The following RPS6KC1 variants were observed in gnomAD, a reference collection of about 807,000 sequenced individuals.
RPS6KC1 encodes the protein ribosomal protein S6 kinase C1, also known as inactive ribosomal protein S6 kinase delta-1.
RPS6KC1 carries 54 observed loss-of-function variants against 103.8 expected under a neutral mutation model. The ratio of observed to expected loss-of-function variants is 0.52; its 90% CI spans 0.42 to 0.65. The LOEUF is 0.65. RPS6KC1 is among the 30% of genes least tolerant of loss of function. The pLI is 0.00. For missense variants in RPS6KC1, 1,151 were observed against 1,253.8 expected, an observed-to-expected ratio of 0.92 and a Z score of 1.24; for synonymous variants, 439 against 438.7, an observed-to-expected ratio of 1.00 and a Z score of -0.01.
At chr1:213,532,526 G>T in the RPS6KC1 span, among the ~76,000 whole-genome samples, 1 of 152,166 alleles carries the variant, frequency 6.6e-6, no homozygotes, top group Non-Finnish European at 1.5e-5. Context: ...GACAAGAAAG[G>T]ATCCTAAAGA....
chr1:213,501,911 G>A, the RPS6KC1 span, among the ~76,000 whole-genome samples: 1 of 152,174 alleles, frequency 6.6e-6, no homozygotes. Context: ...CAAGTTTGTA[G>A]TCAAGCTTGT....
intron 7 of RPS6KC1, among the ~76,000 whole-genome samples, chr1:213,175,858 G>C (rs1456171862): frequency 6.6e-6 from 1 of 152,068 alleles, no homozygotes; most frequent in African/African-American, 2.4e-5. Flanking sequence ...AATTTTTCTG[G>C]TTGAATTTGA....
At chr1:213,512,543 G>A in the RPS6KC1 span, among the ~76,000 whole-genome samples, 1 of 152,166 alleles carries the variant, frequency 6.6e-6, no homozygotes, top group South Asian at 2.1e-4. Flanking sequence ...CCCATTAGTC[G>A]ACAGTTAAGT....
chr1:213,718,186 C>T, the RPS6KC1 span, among the ~76,000 whole-genome samples: 1 of 152,188 alleles, frequency 6.6e-6, no homozygotes, highest in African/African-American at 2.4e-5. Flanking sequence ...ACACTTTAGA[C>T]TTTTGTAAAG....
At chr1:213,298,623 C>G in the RPS6KC1 span, among the ~76,000 whole-genome samples, 1 of 151,830 alleles carries the variant, frequency 6.6e-6, no homozygotes, top group Non-Finnish European at 1.5e-5. Flanking sequence ...TATCTCTGCT[C>G]TTTTTATTAT....
the RPS6KC1 span, among the ~76,000 whole-genome samples, chr1:213,402,675 G>A: frequency 2.0e-5 from 3 of 152,194 alleles, no homozygotes; most frequent in Middle Eastern, 3.4e-3. Flanking sequence ...TGGCAAATAC[G>A]TATGATGTTG....
intron 10 of RPS6KC1, among the ~76,000 whole-genome samples, chr1:213,236,272 T>C (rs2094218867): frequency 6.6e-6 from 1 of 152,104 alleles, no homozygotes; most frequent in South Asian, 2.1e-4. Context: ...ACTGCTGGCG[T>C]AGGTCGTAAA....
intron 7 of RPS6KC1, 71 bp downstream of exon 7, chr1:213,168,044 A>T (rs1292265098): frequency 2.2e-6 from 2 of 893,764 alleles, no homozygotes; most frequent in African/African-American, 3.4e-5. Context: ...CTTTATTTCT[A>T]ATTAGAATGT....
chr1:213,590,883 G>T, the RPS6KC1 span, among the ~76,000 whole-genome samples: 2 of 152,094 alleles, frequency 1.3e-5, no homozygotes, highest in African/African-American at 4.8e-5. Flanking sequence ...ATATCTCCTG[G>T]CAGTATCCTT....
intron 8 of RPS6KC1, among the ~76,000 whole-genome samples, chr1:213,222,908 T>TTAAAAATTCAGATC (rs1382199066): frequency 1.3e-5 from 2 of 152,336 alleles, no homozygotes; most frequent in East Asian, 3.9e-4. Flanking sequence ...GCCCATCTGG[T>TTAAAAATTCAGATC]TAAAAATTCA....
chr1:213,413,280 A>G, the RPS6KC1 span, among the ~76,000 whole-genome samples: 1 of 152,188 alleles, frequency 6.6e-6, no homozygotes, highest in African/African-American at 2.4e-5. Flanking sequence ...TTCCAATTCC[A>G]CTTTTTGAGT....
intron 8 of RPS6KC1, among the ~76,000 whole-genome samples, chr1:213,222,667 G>A (rs2093865094): frequency 6.6e-6 from 1 of 152,142 alleles, no homozygotes. Context: ...TTGTTTTCTA[G>A]TAGTTGAATT....
chr1:213,844,713 CA>C, the RPS6KC1 span, among the ~76,000 whole-genome samples: 1 of 152,028 alleles, frequency 6.6e-6, no homozygotes, highest in Non-Finnish European at 1.5e-5. Flanking sequence ...TATAAGGTAT[CA>C]AATTTGATAA....
At chr1:213,414,046 G>A in the RPS6KC1 span, among the ~76,000 whole-genome samples, 6 of 152,178 alleles carry the variant, frequency 3.9e-5, no homozygotes, top group African/African-American at 7.2e-5. Flanking sequence ...CTGATGTGGT[G>A]AGACCTAATG....
chr1:213,260,512 C>G lies in RPS6KC1; in HGVS notation c.2912-1046C>G, dbSNP rs11120109. Among the ~76,000 whole-genome samples, 1,062 of 152,298 alleles carry G rather than the reference C, an allele frequency of 7.0e-3. 13 individuals carry two copies. The highest frequency in any genetic ancestry group is 0.024 in the African/African-American group (1,005 of 41,552). Reference sequence around the variant, plus strand: ...AGTTTGGGGTTCTCCCACACAAGTACATTGACTAAGCATTGGTTAAAAGGC... The same window carrying G: ...AGTTTGGGGTTCTCCCACACAAGTAGATTGACTAAGCATTGGTTAAAAGGC... On this transcript the variant is annotated intron_variant, in intron 12 of 14. Transcript: ENST00000366960.
chr1:213,570,469 G>T, the RPS6KC1 span, among the ~76,000 whole-genome samples: 116 of 152,284 alleles, frequency 7.6e-4, no homozygotes, highest in African/African-American at 2.4e-3. Context: ...GGTTCCTGAA[G>T]AAGCATCCCC....
chr1:213,471,729 T>G, the RPS6KC1 span, among the ~76,000 whole-genome samples: 1 of 150,588 alleles, frequency 6.6e-6, no homozygotes, highest in South Asian at 2.1e-4. Flanking sequence ...GTGTTCCTCT[T>G]TCTATTTTTC....
chr1:213,319,261 C>CATG, the RPS6KC1 span, among the ~76,000 whole-genome samples: 5 of 129,312 alleles, frequency 3.9e-5, no homozygotes, highest in African/African-American at 1.5e-4. Context: ...TGCAGTGAGC[C>CATG]ATGATTGCAC....
chr1:213,787,979 G>A, the RPS6KC1 span, among the ~76,000 whole-genome samples: 1 of 152,262 alleles, frequency 6.6e-6, no homozygotes, highest in African/African-American at 2.4e-5. Context: ...AGAAGCAAGA[G>A]AGGACTGAAG....
Sources: allele counts gnomAD v4.1 joint callset (sites outside exome capture counted in the v4.1 genomes callset), GRCh38; gene constraint gnomAD v4.1.1; transcripts MANE v1.5; gene names NCBI Gene and HGNC (gene_info 2026-07-23, HGNC 2026-07-21).